Variants in NUMB observed in about 807,000 individuals in gnomAD.
NUMB encodes the protein protein numb homolog.
A neutral mutation model predicts 59.7 loss-of-function variants in NUMB; 29 were observed. That is an observed-to-expected ratio of 0.49 (90% CI 0.36 to 0.66). The LOEUF (loss-of-function observed/expected upper bound fraction) is 0.66. NUMB is among the 30% of genes least tolerant of loss of function. NUMB has a pLI of 0.00. For synonymous variants in NUMB, 288 were observed against 288.2 expected (o/e 1.00, Z 0.01); for missense variants, 723 against 822.0 (o/e 0.88, Z 1.47).
At chr14:73,380,815 C>T (rs1023352035) in intron 2 of NUMB, among the ~76,000 whole-genome samples, 3 of 151,080 alleles carry the variant, frequency 2.0e-5, no homozygotes, top group Non-Finnish European at 2.9e-5. Flanking sequence ...ACCACCACCT[C>T]CCAGGTTCAA....
chr14:73,348,834 T>C (rs553227411), intron 4 of NUMB, among the ~76,000 whole-genome samples: 2 of 152,354 alleles, frequency 1.3e-5, no homozygotes, highest in Admixed American at 6.5e-5. Flanking sequence ...TTAAAAGCTA[T>C]AGATTTCACA....
chr14:73,367,348 T>TATATATATATATATAGAGAGAG (rs1555375287), intron 2 of NUMB, among the ~76,000 whole-genome samples: 2 of 105,328 alleles, frequency 1.9e-5, no homozygotes, highest in African/African-American at 1.0e-4. Flanking sequence ...TATATATATA[T>TATATATATATATATAGAGAGAG]AGAGAGAGAG....
rs75976757 is a variant in NUMB at position 73,288,011 on chromosome 14, C to T, written c.451-697G>A. Among the ~76,000 whole-genome samples, 435 of 152,272 alleles carry T rather than the reference C, an allele frequency of 2.9e-3. 2 individuals are homozygous for T. The highest frequency in any genetic ancestry group is 0.01 in the African/African-American group (420 of 41,558). On this transcript the variant is annotated intron_variant, in intron 8 of 12. Coordinates refer to ENST00000555238, the MANE Select transcript of NUMB (RefSeq NM_001005743.2). ...ATATTTACCAGCCACTTCTAAGAAACTACTGGAAAGGCAAGGCAAATTTCA... is the reference window on the plus strand; with the variant it reads ...ATATTTACCAGCCACTTCTAAGAAATTACTGGAAAGGCAAGGCAAATTTCA...
intron 3 of NUMB, among the ~76,000 whole-genome samples, chr14:73,366,428 T>C (rs1894347437): frequency 1.3e-5 from 2 of 152,204 alleles, no homozygotes; most frequent in Non-Finnish European, 2.9e-5. Flanking sequence ...TCTTTACTGG[T>C]TGCTAGGAGA....
chr14:73,425,873 A>G (rs1477853938), intron 1 of NUMB, among the ~76,000 whole-genome samples: 1 of 150,702 alleles, frequency 6.6e-6, no homozygotes, highest in Non-Finnish European at 1.5e-5. Flanking sequence ...CAGTGGTGCA[A>G]TCTTGGCTCA....
At chr14:73,444,868 A>G (rs1228285878) in intron 1 of NUMB, among the ~76,000 whole-genome samples, 1 of 151,724 alleles carries the variant, frequency 6.6e-6, no homozygotes, top group Non-Finnish European at 1.5e-5. Flanking sequence ...AAAAAAAAAA[A>G]AAAGAAAGTA....
chr14:73,278,262 C>A (rs984343114), intron 12 of NUMB, among the ~76,000 whole-genome samples: 6 of 152,068 alleles, frequency 3.9e-5, no homozygotes, highest in African/African-American at 1.4e-4. Context: ...TGGCTCACAC[C>A]TGTAATCCCG....
chr14:73,397,790 TA>T (rs1896207988), intron 2 of NUMB, among the ~76,000 whole-genome samples: 1 of 152,230 alleles, frequency 6.6e-6, no homozygotes, highest in Non-Finnish European at 1.5e-5. Flanking sequence ...TATGTGTCTA[TA>T]AAGGTTTGGA....
intron 6 of NUMB, among the ~76,000 whole-genome samples, chr14:73,308,712 C>A (rs933976523): frequency 2.0e-5 from 3 of 152,156 alleles, no homozygotes; most frequent in Admixed American, 6.5e-5. Flanking sequence ...AAAGCCATCA[C>A]ACTGTGGATG....
At chr14:73,448,769 A>G (rs1883721401) in intron 1 of NUMB, among the ~76,000 whole-genome samples, 1 of 152,128 alleles carries the variant, frequency 6.6e-6, no homozygotes, top group Non-Finnish European at 1.5e-5. Context: ...TTTTTCTAGT[A>G]GTAGGATTAA....
intron 2 of NUMB, among the ~76,000 whole-genome samples, chr14:73,401,623 G>A (rs535241690): frequency 2.4e-4 from 34 of 142,318 alleles, no homozygotes; most frequent in African/African-American, 5.7e-4. Context: ...AGGCTGGAGT[G>A]CAGTGGCATG....
chr14:73,280,453 TC>T (rs888725045), intron 11 of NUMB, among the ~76,000 whole-genome samples: 1 of 151,904 alleles, frequency 6.6e-6, no homozygotes, highest in South Asian at 2.1e-4. Context: ...AAGATTTTTT[TC>T]CCCCTCTATG....
Position 73,355,706 on chromosome 14 carries a change from C to T in NUMB, c.46G>A (p.Val16Ile). The T allele has an allele frequency of 6.2e-7, 1 of 1,613,610 alleles. No homozygotes were observed. Among genetic ancestry groups the T allele is most frequent in the Non-Finnish European group, 8.5e-7 (1 of 1,179,622 alleles). Residue 16 changes from valine (V) to isoleucine (I), a missense_variant, in exon 4 of 13, where the codon GTT becomes ATT. Coordinates refer to ENST00000555238, the MANE Select transcript of NUMB (RefSeq NM_001005743.2). ...QSFRRKKDVY[V>I]PEASRPHQWQ... is the part of the protein sequence containing the mutation. ...TGATGTGGACGACTGGCCTCTGGAA[C>T]ATAAACATCCTTCTTTCTCCTAAAA... is the stretch of plus-strand genomic sequence containing the variant.
At chr14:73,435,559 C>T (rs1455800474) in intron 1 of NUMB, among the ~76,000 whole-genome samples, 2 of 151,578 alleles carry the variant, frequency 1.3e-5, no homozygotes, top group Admixed American at 1.3e-4. Flanking sequence ...CAGGCATGAG[C>T]CACTGCACCC....
At chr14:73,377,102 TAAATGTA>T (rs1894985670) in intron 2 of NUMB, among the ~76,000 whole-genome samples, 2 of 152,192 alleles carry the variant, frequency 1.3e-5, no homozygotes, top group Non-Finnish European at 2.9e-5. Context: ...ATCACAGACC[TAAATGTA>T]AAATGTAAAA....
intron 1 of NUMB, among the ~76,000 whole-genome samples, chr14:73,443,205 A>G (rs571371512): frequency 8.6e-4 from 131 of 152,320 alleles, no homozygotes; most frequent in African/African-American, 3.0e-3. Flanking sequence ...CCGTACATCA[A>G]TTGTACCTGA....
At chr14:73,309,413 C>T (rs1890644228) in intron 6 of NUMB, among the ~76,000 whole-genome samples, 2 of 152,048 alleles carry the variant, frequency 1.3e-5, no homozygotes. Flanking sequence ...GAGTTCATGT[C>T]CTTTGTAGGG....
intron 4 of NUMB, among the ~76,000 whole-genome samples, chr14:73,354,736 G>A (rs909183375): frequency 3.5e-5 from 5 of 142,024 alleles, no homozygotes; most frequent in Non-Finnish European, 7.5e-5. Flanking sequence ...GCACAGGCAA[G>A]AGAATCGCTT....
chr14:73,398,520 T>A (rs1409749765), intron 2 of NUMB, among the ~76,000 whole-genome samples: 3 of 151,734 alleles, frequency 2.0e-5, no homozygotes, highest in African/African-American at 4.8e-5. Context: ...TTATAGATGA[T>A]CTTTTTATAT....
Sources: gnomAD v4.1 joint callset for allele counts (sites outside exome capture counted in the v4.1 genomes callset) on GRCh38, gnomAD v4.1.1 for gene constraint, MANE v1.5 for transcripts, NCBI Gene and HGNC (gene_info 2026-07-23, HGNC 2026-07-21) for gene names.